The following SBNO1 variants were observed in gnomAD, a reference collection of about 807,000 sequenced individuals.
SBNO1 encodes the protein protein strawberry notch homolog 1.
A neutral mutation model predicts 173.6 loss-of-function variants in SBNO1; 23 were observed. The observed-to-expected ratio is 0.13, with a 90% CI of 0.10 to 0.19. SBNO1 has a LOEUF of 0.19. SBNO1 is among the 10% of genes least tolerant of loss of function. The probability of loss-of-function intolerance (pLI) is 1.00; values close to 1 mark genes in which losing one functional copy is unlikely to be tolerated. For synonymous variants in SBNO1, 632 were observed against 571.5 expected, an observed-to-expected ratio of 1.11 and a Z score of -1.51; for missense variants, 1,238 against 1,671.2, an observed-to-expected ratio of 0.74 and a Z score of 4.52.
chr12:123,315,329 T>A, intron 23 of SBNO1, 44 bp downstream of exon 23: 1 of 1,442,240 alleles, frequency 6.9e-7, no homozygotes. Flanking sequence ...AAAGACACCA[T>A]ACACTATCAC....
intron 13 of SBNO1, among the ~76,000 whole-genome samples, chr12:123,327,098 T>G (rs1870695808): frequency 6.6e-6 from 1 of 152,106 alleles, no homozygotes. Context: ...CTCCGCCTCC[T>G]GGGTTCAAGC....
chr12:123,348,090 G>A lies in SBNO1; in HGVS notation c.176C>T (p.Ala59Val). Reference sequence around the variant, plus strand: ...TGGTTCTTGTTTAACAGGAACTGCTGCTTCGGTCTCCAAACCTAGTTCTAA... The same window carrying A: ...TGGTTCTTGTTTAACAGGAACTGCTACTTCGGTCTCCAAACCTAGTTCTAA... ...SALELGLETE[A>V]AVPVKQEPET... The change falls in exon 3 of 32, where the codon GCA becomes GTA. Residue 59 changes from alanine to valine, a missense_variant. Physicochemically the swap from Ala to Val is moderately conservative, Grantham distance 64. Around this residue, in one of 14 missense-constraint regions of SBNO1, gnomAD observed 287 missense variants for 274.1 expected, o/e 1.05. Transcript: ENST00000602398. The A allele has an allele frequency of 6.2e-7, 1 of 1,611,984 alleles. No individual in the cohort carries two copies. Among genetic ancestry groups the A allele is most frequent in the Non-Finnish European group, 8.5e-7 (1 of 1,178,352 alleles).
intron 1 of SBNO1, 57 bp from the exon 2 acceptor site, chr12:123,350,498 TC>T: frequency 7.5e-7 from 1 of 1,339,348 alleles, no homozygotes; most frequent in Non-Finnish European, 1.1e-6. Flanking sequence ...AAATATTAAC[TC>T]CCCTCTAAAT....
At chr12:123,323,893 T>A in intron 15 of SBNO1, 62 bp from the exon 16 acceptor site, 1 of 1,201,822 alleles carries the variant, frequency 8.3e-7, no homozygotes, top group South Asian at 1.6e-5. Context: ...ATGTAAAGTA[T>A]TATTAAATAT....
At chr12:123,358,288 A>G (rs928203170) in intron 1 of SBNO1, among the ~76,000 whole-genome samples, 1 of 152,238 alleles carries the variant, frequency 6.6e-6, no homozygotes, top group Non-Finnish European at 1.5e-5. Context: ...TTGTGGCATC[A>G]TGTCAGTGCT....
Position 123,304,710 on chromosome 12 carries a change from T to C in SBNO1, c.3640A>G (p.Asn1214Asp). The part of the protein sequence containing the change: ...GFYLSLQIRN[N>D]KKTAILVKEV... ...TTAACTAAGATGGCAGTTTTCTTGT[T>C]GTTCCTTATCTGTTTAAAGAAAATG... Residue 1214 changes from asparagine (N) to aspartate (D), a missense_variant, in exon 29 of 32, where the codon AAC (asparagine) becomes GAC (aspartate). By Grantham distance (23) the Asn-to-Asp change is conservative (BLOSUM62 1). Coordinates refer to ENST00000602398, the MANE Select transcript of SBNO1 (RefSeq NM_001167856.3). The C allele has an allele frequency of 6.6e-7, 1 of 1,524,948 alleles. No individual in the cohort carries two copies. Among genetic ancestry groups the C allele is most frequent in the East Asian group, 2.3e-5 (1 of 44,374 alleles). The allele number at this position is 1,524,948 out of a possible 1,614,324, so 94.5% of individuals were successfully genotyped here. A position where few individuals can be genotyped will look rare whatever the true frequency, so the allele number is the denominator to read the frequency against.
chr12:123,331,429 A>G, intron 7 of SBNO1, 54 bp from the exon 8 acceptor site: 4 of 1,552,052 alleles, frequency 2.6e-6, no homozygotes, highest in Non-Finnish European at 3.5e-6. Context: ...TTTGGTGATC[A>G]ATCTTTCATA....
At chr12:123,363,837 G>A (rs1875707774) in intron 1 of SBNO1, 2 of 984,442 alleles carry the variant, frequency 2.0e-6, no homozygotes, top group Non-Finnish European at 2.4e-6. Flanking sequence ...ACAAAGCAGG[G>A]GTGGGAAGGG....
At chr12:123,328,955 T>C (rs1870879118) in intron 9 of SBNO1, 60 bp from the exon 10 acceptor site, 4 of 980,854 alleles carry the variant, frequency 4.1e-6, no homozygotes, top group Admixed American at 2.7e-5. Flanking sequence ...GCAACATTCA[T>C]CCCAACTAAA....
At chr12:123,307,020 T>TAAAAAAAAAAAAAAAAAAAAAAAAAAAA (rs34105162) in intron 28 of SBNO1, among the ~76,000 whole-genome samples, 1 of 64,432 alleles carries the variant, frequency 1.6e-5, no homozygotes, top group Non-Finnish European at 2.7e-5. Context: ...TCAACTGCAT[T>TAAAAAAAAAAAAAAAAAAAAAAAAAAAA]AAAAAAAAAA....
At chr12:123,315,259 C>T in intron 23 of SBNO1, 114 bp downstream of exon 23, 1 of 739,392 alleles carries the variant, frequency 1.4e-6, no homozygotes, top group South Asian at 1.7e-5. Flanking sequence ...GATTTTAAAG[C>T]AAATGCATAG....
chr12:123,326,678 C>A (rs7955457), intron 13 of SBNO1, among the ~76,000 whole-genome samples: 41,139 of 152,110 alleles, frequency 0.27, 6,745 homozygotes, highest in African/African-American at 0.45. Flanking sequence ...GTAATCCCAG[C>A]ACTTTGGGAG....
chr12:123,320,606 A>C lies in SBNO1; in HGVS notation c.2493T>G (p.Ala831=). The C allele has an allele frequency of 6.2e-7, 1 of 1,607,592 alleles. No homozygotes were observed. The highest frequency in any genetic ancestry group is 8.5e-7 in the Non-Finnish European group (1 of 1,177,986). ...VISPAPNSTP[A]NSNTNSNSSL... is the part of the protein sequence containing the mutation. The stretch of plus-strand genomic sequence containing the variant: ...TACTGTTACTGTTGGTGTTACTGTT[A>C]GCTAGATAAAGAACATTTGCTAAAA... The change falls in exon 19 of 32, where the codon GCT becomes GCG. Residue 831 remains alanine, a splice_region_variant and synonymous_variant. Coordinates refer to ENST00000602398, the MANE Select transcript of SBNO1 (RefSeq NM_001167856.3).
chr12:123,313,599 A>G (rs763077890), intron 24 of SBNO1, 21 bp downstream of exon 24: 2 of 1,197,502 alleles, frequency 1.7e-6, no homozygotes, highest in East Asian at 2.3e-5. Flanking sequence ...TGTCATTGTT[A>G]TGAATATTTG....
chr12:123,327,338 T>C (rs1330986093), intron 13 of SBNO1, 88 bp downstream of exon 13: 6 of 1,056,480 alleles, frequency 5.7e-6, no homozygotes, highest in South Asian at 4.6e-5. Context: ...TACATTCCCA[T>C]GGGCAGGAGG....
chr12:123,310,362 T>G (rs1217879112), intron 25 of SBNO1, among the ~76,000 whole-genome samples: 2 of 151,568 alleles, frequency 1.3e-5, no homozygotes, highest in South Asian at 2.1e-4. Context: ...GCCTCCTGAG[T>G]AGCTGGGATT....
chr12:123,309,163 G>A (rs2048994824), intron 28 of SBNO1, 147 bp downstream of exon 28: 1 of 638,498 alleles, frequency 1.6e-6, no homozygotes, highest in Non-Finnish European at 2.8e-6. Context: ...TAACACAAAT[G>A]GACAAACACA....
At chr12:123,364,663 G>A (rs1010492921) in intron 1 of SBNO1, 38 bp downstream of exon 1, 21 of 983,204 alleles carry the variant, frequency 2.1e-5, no homozygotes, top group African/African-American at 1.6e-4. Context: ...CCGGGAGGGG[G>A]AGTGTGGAAG....
At chr12:123,313,001 G>A (rs886449878) in intron 24 of SBNO1, among the ~76,000 whole-genome samples, 9 of 151,830 alleles carry the variant, frequency 5.9e-5, no homozygotes, top group African/African-American at 2.2e-4. Context: ...TCAGGAGATC[G>A]AGACCATCCT....
Sources: gnomAD v4.1 joint callset for allele counts (sites outside exome capture counted in the v4.1 genomes callset) on GRCh38, gnomAD v4.1.1 for gene constraint, gnomAD v4.1.1 regional missense constraint, MANE v1.5 for transcripts, NCBI Gene and HGNC (gene_info 2026-07-23, HGNC 2026-07-21) for gene names.